The following CUL2 variants were observed in gnomAD, a reference collection of about 807,000 sequenced individuals.
The protein encoded by CUL2 is cullin-2.
A neutral mutation model predicts 110.2 loss-of-function variants in CUL2; 22 were observed. The observed-to-expected ratio is 0.20, with a 90% CI of 0.14 to 0.28. The LOEUF is 0.28. Ranked by LOEUF, CUL2 falls within the 10% of genes least tolerant of loss-of-function variation. CUL2 has a pLI of 1.00. For missense variants in CUL2, 631 were observed against 905.5 expected (o/e 0.70, Z 3.89); for synonymous variants, 279 against 293.2 (o/e 0.95, Z 0.49).
rs1370942105 is a variant in CUL2 at position 35,011,909 on chromosome 10, G to T, written c.2045C>A (p.Ala682Asp). ...TGCTTTCATGATACGAACTATAGCAGCTTGGAGATACATTTTCCGGTCCTC... is the reference window on the plus strand; with the variant it reads ...TGCTTTCATGATACGAACTATAGCATCTTGGAGATACATTTTCCGGTCCTC... ...VDEDRKMYLQ[A>D]AIVRIMKARK... The change falls in exon 20 of 21, where the codon GCT (alanine) becomes GAT (aspartate). Residue 682 changes from alanine (A) to aspartate (D), a missense_variant. Ala to Asp is a moderately radical substitution (Grantham distance 126). Transcript: ENST00000374749. The T allele has an allele frequency of 6.2e-7, 1 of 1,613,864 alleles. No homozygotes were observed. Among genetic ancestry groups the T allele is most frequent in the Non-Finnish European group, 8.5e-7 (1 of 1,179,826 alleles).
chr10:35,103,326 T>TA (rs1223979972), intron 1 of CUL2, among the ~76,000 whole-genome samples: 96 of 119,952 alleles, frequency 8.0e-4, no homozygotes, highest in Admixed American at 1.1e-3. Context: ...TTTTTTTTTT[T>TA]TTTTTTATTT....
intron 1 of CUL2, among the ~76,000 whole-genome samples, chr10:35,113,269 G>A (rs558329265): frequency 2.8e-4 from 42 of 150,852 alleles, no homozygotes; most frequent in Non-Finnish European, 5.8e-4. Context: ...CCCGAGGTGG[G>A]TGGATCACCT....
chr10:35,032,073 T>C (rs1448477878), intron 12 of CUL2, among the ~76,000 whole-genome samples: 2 of 152,182 alleles, frequency 1.3e-5, no homozygotes, highest in Non-Finnish European at 1.5e-5. Flanking sequence ...ATTTTTGACA[T>C]TGAACAAGTA....
intron 1 of CUL2, among the ~76,000 whole-genome samples, chr10:35,105,779 G>A (rs2087447443): frequency 6.7e-6 from 1 of 148,664 alleles, no homozygotes; most frequent in Non-Finnish European, 1.5e-5. Context: ...TTCAACAGAA[G>A]CTTTACTAAA....
Position 35,071,322 on chromosome 10 carries a change from C to T in CUL2, c.-5G>A, listed in dbSNP as rs777175935. ...TACTCTTGGTTTCAAAGACATTGTG[C>T]AAGTGTAGTGTTGAAATCTGTCAAT... On this transcript the variant is annotated 5_prime_UTR_variant, in exon 2 of 21. Coordinates refer to ENST00000374749, the MANE Select transcript of CUL2 (RefSeq NM_003591.4). 25 of 1,612,144 alleles carry T rather than the reference C, an allele frequency of 1.6e-5. No individual in the cohort carries two copies. The highest frequency in any genetic ancestry group is 2.1e-5 in the Non-Finnish European group (25 of 1,178,372).
chr10:35,089,398 ACTT>A (rs1055879622), intron 1 of CUL2, among the ~76,000 whole-genome samples: 5 of 152,216 alleles, frequency 3.3e-5, no homozygotes, highest in Non-Finnish European at 7.3e-5. Flanking sequence ...TATTTCCGAT[ACTT>A]TACTACGAAG....
At chr10:35,043,409 G>C (rs2085845829) in intron 8 of CUL2, among the ~76,000 whole-genome samples, 1 of 152,206 alleles carries the variant, frequency 6.6e-6, no homozygotes, top group Admixed American at 6.5e-5. Context: ...TCAGGGGACA[G>C]AGCTAACTAG....
chr10:35,109,356 C>T (rs972026661), intron 1 of CUL2, among the ~76,000 whole-genome samples: 1 of 152,144 alleles, frequency 6.6e-6, no homozygotes, highest in Non-Finnish European at 1.5e-5. Context: ...ATCATTATTT[C>T]ATATATATTA....
chr10:35,074,330 C>G, intron 1 of CUL2: 1 of 756,848 alleles, frequency 1.3e-6, no homozygotes, highest in Non-Finnish European at 2.3e-6. Context: ...CCTACTGTGA[C>G]ATCATAATCT....
chr10:35,051,630 C>CAAAA (rs1315173507), intron 5 of CUL2, among the ~76,000 whole-genome samples: 1 of 152,068 alleles, frequency 6.6e-6, no homozygotes, highest in East Asian at 1.9e-4. Flanking sequence ...ACAACAACAA[C>CAAAA]AAAAAATAGT....
intron 1 of CUL2, among the ~76,000 whole-genome samples, chr10:35,105,687 G>C (rs1197268836): frequency 6.7e-6 from 1 of 149,760 alleles, no homozygotes; most frequent in South Asian, 2.1e-4. Flanking sequence ...CAGCCTGGGC[G>C]ACAGAGCGAG....
rs567028675 is a variant in CUL2 at position 35,028,621 on chromosome 10, A to G, written c.1617+189T>C. Among the ~76,000 whole-genome samples, 5 of 152,340 alleles carry G rather than the reference A, an allele frequency of 3.3e-5. No individual in the cohort carries two copies. The South Asian group carries it at 8.3e-4, about 25-fold the overall frequency. ...CAAAGAACTGTATGACATTCTTCTT[A>G]GCATTTTAGTATCAATATTAGTAAC... is the stretch of plus-strand genomic sequence containing the variant. On this transcript the variant is annotated intron_variant, in intron 16 of 20. Coordinates refer to ENST00000374749, the MANE Select transcript of CUL2 (RefSeq NM_003591.4).
At chr10:35,078,295 AT>A (rs201741916) in intron 1 of CUL2, among the ~76,000 whole-genome samples, 2,564 of 142,040 alleles carry the variant, frequency 0.018, 59 homozygotes, top group African/African-American at 0.053. Context: ...GATCAGGTGA[AT>A]TTTTTTTTTT....
chr10:35,010,260 C>T lies in CUL2; in HGVS notation c.*51G>A. ...TCCTGCTTTTTCCCACAGGAACACACCAAATGGTGATGGCAATGATCTTCT... is the reference window on the plus strand; with the variant it reads ...TCCTGCTTTTTCCCACAGGAACACATCAAATGGTGATGGCAATGATCTTCT... On this transcript the variant is annotated 3_prime_UTR_variant, in exon 21 of 21. Transcript: ENST00000374749. 6.6e-7 allele frequency: 1 copy of T among 1,525,498 alleles called. No individual in the cohort carries two copies. 94.5% of individuals were successfully genotyped at this position (1,525,498 alleles called of 1,614,324 possible).
chr10:35,109,081 T>C (rs891826205), intron 1 of CUL2, among the ~76,000 whole-genome samples: 2 of 152,110 alleles, frequency 1.3e-5, no homozygotes, highest in Admixed American at 1.3e-4. Context: ...GGTGTGGTGG[T>C]GCACACCTAT....
chr10:35,111,460 T>C (rs1364018502), intron 1 of CUL2, among the ~76,000 whole-genome samples: 1 of 152,214 alleles, frequency 6.6e-6, no homozygotes, highest in African/African-American at 2.4e-5. Context: ...AGTCTCACTA[T>C]GTTGCCCAGG....
intron 20 of CUL2, 127 bp downstream of exon 20, chr10:35,011,721 G>A: frequency 1.7e-6 from 1 of 593,868 alleles, no homozygotes; most frequent in South Asian, 2.5e-5. Context: ...GATTAAGTAT[G>A]AAACATTTCT....
chr10:35,033,336 G>A (rs779471206), intron 10 of CUL2, 63 bp from the exon 11 acceptor site: 55 of 1,103,284 alleles, frequency 5.0e-5, no homozygotes, highest in Non-Finnish European at 6.4e-5. Context: ...CAAACTATGA[G>A]GTTTATTAGA....
chr10:35,082,855 C>A (rs186167225), intron 1 of CUL2, among the ~76,000 whole-genome samples: 1 of 152,240 alleles, frequency 6.6e-6, no homozygotes, highest in East Asian at 1.9e-4. Context: ...TATACACTTA[C>A]ATAATTACAA....
Sources: gnomAD v4.1 joint callset for allele counts (sites outside exome capture counted in the v4.1 genomes callset) on GRCh38, gnomAD v4.1.1 for gene constraint, MANE v1.5 for transcripts, NCBI Gene and HGNC (gene_info 2026-07-23, HGNC 2026-07-21) for gene names.